GRID1: variants seen among roughly 807,000 people sequenced by gnomAD.
GRID1 encodes the protein glutamate ionotropic receptor delta type subunit 1, also known as glutamate receptor ionotropic, delta-1.
GRID1 carries 28 observed loss-of-function variants against 98.0 expected under a neutral mutation model. That is an observed-to-expected ratio of 0.29 (90% CI 0.21 to 0.39). The LOEUF (loss-of-function observed/expected upper bound fraction) is 0.39. GRID1 is among the 10% of genes least tolerant of loss of function. GRID1 has a pLI of 1.00. For synonymous variants in GRID1, 553 were observed against 538.5 expected (o/e 1.03, Z -0.37); for missense variants, 1,111 against 1,340.5 (o/e 0.83, Z 2.67).
At chr10:86,340,706 G>C (rs1848298417) in intron 2 of GRID1, among the ~76,000 whole-genome samples, 1 of 152,192 alleles carries the variant, frequency 6.6e-6, no homozygotes, top group African/African-American at 2.4e-5. Flanking sequence ...AACTAGAAGG[G>C]GAGGAGGGAA....
chr10:86,156,328 C>A (rs1845245380), intron 3 of GRID1, among the ~76,000 whole-genome samples: 1 of 152,246 alleles, frequency 6.6e-6, no homozygotes, highest in Non-Finnish European at 1.5e-5. Context: ...GCCCCAGGCA[C>A]TGGCCACAGC....
intron 2 of GRID1, among the ~76,000 whole-genome samples, chr10:86,233,196 G>A (rs988475880): frequency 2.0e-5 from 3 of 152,006 alleles, no homozygotes; most frequent in Non-Finnish European, 2.9e-5. Context: ...AGGGAAAGCC[G>A]TCAGCTGCAG....
At chr10:85,640,046 T>C (rs1311077209) in intron 13 of GRID1, among the ~76,000 whole-genome samples, 1 of 152,136 alleles carries the variant, frequency 6.6e-6, no homozygotes, top group Non-Finnish European at 1.5e-5. Context: ...TCACAGATGG[T>C]ACAGAAAGGT....
chr10:85,830,639 A>G (rs895990725), intron 8 of GRID1, among the ~76,000 whole-genome samples: 2 of 152,128 alleles, frequency 1.3e-5, no homozygotes, highest in African/African-American at 2.4e-5. Flanking sequence ...CAACCCCATT[A>G]AAAAGTGGGA....
chr10:85,900,031 G>C (rs1161442176), intron 5 of GRID1, among the ~76,000 whole-genome samples: 1 of 152,206 alleles, frequency 6.6e-6, no homozygotes, highest in African/African-American at 2.4e-5. Context: ...GAGGCAGTAG[G>C]AAAGAGAATG....
intron 8 of GRID1, among the ~76,000 whole-genome samples, chr10:85,846,975 G>A (rs915762565): frequency 2.0e-5 from 3 of 152,178 alleles, no homozygotes; most frequent in South Asian, 2.1e-4. Flanking sequence ...ACAAAAGAAT[G>A]AGCAATTTCT....
chr10:85,852,502 C>T lies in GRID1; in HGVS notation c.1233+1994G>A, dbSNP rs544795762. Among the ~76,000 whole-genome samples the T allele has an allele frequency of 1.2e-4, 18 of 152,306 alleles. No individual in the cohort carries two copies. In the South Asian group the frequency reaches 2.7e-3, roughly 23 times the overall value. ...TCAGCTGCTTGAGACAAGGCAGGGACCTCCACAGCCAGCATTCCCACCAAA... is the reference window on the plus strand; with the variant it reads ...TCAGCTGCTTGAGACAAGGCAGGGATCTCCACAGCCAGCATTCCCACCAAA... On this transcript the variant is annotated intron_variant, in intron 8 of 15. Coordinates refer to ENST00000327946, the MANE Select transcript of GRID1 (RefSeq NM_017551.3).
intron 13 of GRID1, among the ~76,000 whole-genome samples, chr10:85,633,100 T>C (rs1842994241): frequency 6.6e-6 from 1 of 152,132 alleles, no homozygotes; most frequent in African/African-American, 2.4e-5. Flanking sequence ...GTATTAATTT[T>C]TGCATTTTTA....
chr10:86,000,966 T>C (rs1169193549), intron 4 of GRID1, among the ~76,000 whole-genome samples: 1 of 152,122 alleles, frequency 6.6e-6, no homozygotes, highest in Non-Finnish European at 1.5e-5. Flanking sequence ...AGCGGGTGAA[T>C]GGAGAAACCA....
chr10:86,064,143 C>T (rs761648745), intron 4 of GRID1, among the ~76,000 whole-genome samples: 9 of 152,092 alleles, frequency 5.9e-5, no homozygotes, highest in Non-Finnish European at 1.3e-4. Context: ...CTAAAAAGCA[C>T]ATAGCTTAGA....
At chr10:85,982,641 T>C (rs1271780963) in intron 4 of GRID1, among the ~76,000 whole-genome samples, 1 of 152,158 alleles carries the variant, frequency 6.6e-6, no homozygotes, top group Non-Finnish European at 1.5e-5. Context: ...CTCAGTGTCT[T>C]CCTCTATACA....
At chr10:86,324,005 C>A (rs1404934598) in intron 2 of GRID1, among the ~76,000 whole-genome samples, 2 of 152,040 alleles carry the variant, frequency 1.3e-5, no homozygotes, top group African/African-American at 2.4e-5. Context: ...ATGGTGAAAC[C>A]CCATCTCTAC....
At chr10:86,137,384 T>C (rs1269395960) in intron 4 of GRID1, among the ~76,000 whole-genome samples, 1 of 152,090 alleles carries the variant, frequency 6.6e-6, no homozygotes, top group Non-Finnish European at 1.5e-5. Flanking sequence ...CCCACATCCA[T>C]TCAACTCCAA....
intron 13 of GRID1, 117 bp from the exon 14 acceptor site, chr10:85,620,150 C>A: frequency 1.3e-6 from 1 of 741,590 alleles, no homozygotes; most frequent in Non-Finnish European, 2.3e-6. Flanking sequence ...TCTTCCTACC[C>A]ACCAGACAGC....
chr10:85,706,817 A>G (rs1356474023), intron 12 of GRID1, among the ~76,000 whole-genome samples: 3 of 152,210 alleles, frequency 2.0e-5, no homozygotes, highest in African/African-American at 7.2e-5. Context: ...ACATATCTAC[A>G]ACTGTCTGAT....
intron 3 of GRID1, among the ~76,000 whole-genome samples, chr10:86,188,113 C>T (rs1004932843): frequency 5.9e-5 from 9 of 152,192 alleles, no homozygotes; most frequent in South Asian, 2.1e-4. Context: ...TGAATAGAGG[C>T]GTGAGCGTGT....
At chr10:85,834,247 C>A (rs1842893811) in intron 8 of GRID1, among the ~76,000 whole-genome samples, 1 of 152,030 alleles carries the variant, frequency 6.6e-6, no homozygotes, top group Non-Finnish European at 1.5e-5. Context: ...AAAGAAACTA[C>A]CCAGAAGAAT....
chr10:86,031,926 A>G (rs922019300), intron 4 of GRID1, among the ~76,000 whole-genome samples: 7 of 152,032 alleles, frequency 4.6e-5, no homozygotes, highest in Non-Finnish European at 5.9e-5. Context: ...CCTACGTCCC[A>G]TTGGTTCACT....
At chr10:85,727,390 G>T (rs1841772033) in intron 10 of GRID1, among the ~76,000 whole-genome samples, 1 of 152,154 alleles carries the variant, frequency 6.6e-6, no homozygotes, top group Admixed American at 6.5e-5. Flanking sequence ...GGGAAGAAGA[G>T]TACAATTTAA....
Sources: gnomAD v4.1 joint callset for allele counts (sites outside exome capture counted in the v4.1 genomes callset) on GRCh38, gnomAD v4.1.1 for gene constraint, MANE v1.5 for transcripts, NCBI Gene and HGNC (gene_info 2026-07-23, HGNC 2026-07-21) for gene names.